CRYBA4: variants seen among roughly 807,000 people sequenced by gnomAD.
CRYBA4 encodes the protein beta-crystallin A4.
CRYBA4 carries 30 observed loss-of-function variants against 31.7 expected under a neutral mutation model. The ratio of observed to expected loss-of-function variants is 0.95; its 90% CI spans 0.71 to 1.28. The LOEUF (loss-of-function observed/expected upper bound fraction) is 1.28. CRYBA4 is among the 50% of genes most tolerant of loss of function. The probability of loss-of-function intolerance (pLI) is 0.00; values close to 1 mark genes in which losing one functional copy is unlikely to be tolerated. For missense variants in CRYBA4, 225 were observed against 260.7 expected (o/e 0.86, Z 0.94); for synonymous variants, 102 against 102.3 (o/e 1.00, Z 0.02).
intron 5 of CRYBA4, among the ~76,000 whole-genome samples, chr22:26,628,656 C>T (rs1035045537): frequency 2.6e-5 from 4 of 152,150 alleles, no homozygotes; most frequent in Admixed American, 1.3e-4. Context: ...TAGCTTCAAG[C>T]ATAGCTGGAT....
At chr22:26,591,347 T>G in the CRYBA4 span, among the ~76,000 whole-genome samples, 1 of 151,952 alleles carries the variant, frequency 6.6e-6, no homozygotes, top group Non-Finnish European at 1.5e-5. Flanking sequence ...GGTACATGCC[T>G]GTAGTCCCAG....
intron 4 of CRYBA4, among the ~76,000 whole-genome samples, chr22:26,628,027 CT>C (rs1229225977): frequency 2.6e-5 from 4 of 152,128 alleles, no homozygotes; most frequent in Non-Finnish European, 5.9e-5. Flanking sequence ...AAGTTGACTC[CT>C]TTTTTTGTTT....
the CRYBA4 span, among the ~76,000 whole-genome samples, chr22:26,606,915 T>C: frequency 6.6e-6 from 1 of 152,178 alleles, no homozygotes; most frequent in Non-Finnish European, 1.5e-5. Context: ...CATTTTGACC[T>C]TGAATCTTCT....
chr22:26,622,608 A>G lies in CRYBA4; in HGVS notation c.12A>G (p.Gln4=). ...AGGAAGGGGCCACAATGACCCTGCA[A>G]TGCACAAAGTCAGCGGGACCCTGGA... MTL[Q]CTKSAGPWKM... is the part of the protein sequence containing the mutation. The change falls in exon 2 of 6, where the codon CAA becomes CAG. Residue 4 remains glutamine, a synonymous_variant. Coordinates refer to ENST00000354760, the MANE Select transcript of CRYBA4 (RefSeq NM_001886.3). 5 of 1,599,962 alleles carry G rather than the reference A, an allele frequency of 3.1e-6. No individual in the cohort carries two copies. Among genetic ancestry groups the G allele is most frequent in the Non-Finnish European group, 4.3e-6 (5 of 1,171,408 alleles).
upstream of CRYBA4, chr22:26,621,931 A>G (rs1441145673): frequency 6.1e-6 from 6 of 984,682 alleles, no homozygotes; most frequent in African/African-American, 1.8e-5. Context: ...CTCCCTGCCT[A>G]TAAGAGCCCG....
At chr22:26,628,577 A>G (rs1329313103) in intron 5 of CRYBA4, 147 bp downstream of exon 5, 2 of 944,146 alleles carry the variant, frequency 2.1e-6, no homozygotes, top group Non-Finnish European at 3.2e-6. Context: ...GGTATCAGGC[A>G]GAATTTGAGG....
intron 1 of CRYBA4, among the ~76,000 whole-genome samples, chr22:26,622,378 G>A (rs1459656973): frequency 6.6e-6 from 1 of 152,040 alleles, no homozygotes; most frequent in East Asian, 1.9e-4. Context: ...CAGCAAGGGT[G>A]AGTTTTGAGA....
the CRYBA4 span, chr22:26,607,849 G>A: frequency 5.0e-4 from 812 of 1,613,464 alleles, 5 homozygotes; most frequent in African/African-American, 7.5e-3. Context: ...GCCCTGCCCC[G>A]CCTGGCTGAT....
the CRYBA4 span, chr22:26,607,743 C>A: frequency 2.8e-6 from 3 of 1,077,308 alleles, no homozygotes; most frequent in Non-Finnish European, 4.1e-6. Flanking sequence ...TTGATGAGCT[C>A]AAGAATCCAC....
the CRYBA4 span, among the ~76,000 whole-genome samples, chr22:26,593,022 A>C: frequency 2.0e-5 from 3 of 152,164 alleles, no homozygotes; most frequent in African/African-American, 7.2e-5. Flanking sequence ...GAGGAAGGCT[A>C]ATTGCCCCTC....
the CRYBA4 span, chr22:26,601,878 C>T: frequency 5.6e-6 from 9 of 1,611,962 alleles, no homozygotes; most frequent in Middle Eastern, 2.2e-4. Context: ...GGGATGCTTA[C>T]GTTCCACTGG....
chr22:26,612,972 T>C, the CRYBA4 span, among the ~76,000 whole-genome samples: 64 of 152,130 alleles, frequency 4.2e-4, no homozygotes, highest in Non-Finnish European at 7.5e-4. Context: ...CTGTTTTGCT[T>C]TGGGGTCTCC....
At chr22:26,605,549 C>A in the CRYBA4 span, among the ~76,000 whole-genome samples, 1 of 151,634 alleles carries the variant, frequency 6.6e-6, no homozygotes, top group African/African-American at 2.4e-5. Flanking sequence ...CGGTGCACAC[C>A]TATAATCCCA....
chr22:26,619,166 C>G (rs1222941878), upstream of CRYBA4, among the ~76,000 whole-genome samples: 1 of 151,950 alleles, frequency 6.6e-6, no homozygotes, highest in Non-Finnish European at 1.5e-5. Context: ...GATAGGGAAA[C>G]CAAGGCAAGG....
the CRYBA4 span, among the ~76,000 whole-genome samples, chr22:26,606,770 TA>T: frequency 8.5e-5 from 13 of 152,336 alleles, no homozygotes; most frequent in African/African-American, 2.4e-4. Flanking sequence ...AAAATTCTTA[TA>T]AATGTTCCCA....
chr22:26,606,574 C>T, the CRYBA4 span, among the ~76,000 whole-genome samples: 46 of 152,270 alleles, frequency 3.0e-4, no homozygotes, highest in African/African-American at 1.1e-3. Flanking sequence ...CATATAAGAA[C>T]CATTCAATGA....
intron 3 of CRYBA4, among the ~76,000 whole-genome samples, chr22:26,624,366 A>G (rs1929639410): frequency 6.6e-6 from 1 of 152,014 alleles, no homozygotes; most frequent in South Asian, 2.1e-4. Context: ...TAGAAAGGCA[A>G]TGTGGCCAGT....
At chr22:26,600,520 A>G in the CRYBA4 span, among the ~76,000 whole-genome samples, 1 of 152,244 alleles carries the variant, frequency 6.6e-6, no homozygotes, top group South Asian at 2.1e-4. Context: ...TTGATTTACT[A>G]GCTGTGAGAA....
At chr22:26,615,464 T>C in the CRYBA4 span, among the ~76,000 whole-genome samples, 1 of 152,172 alleles carries the variant, frequency 6.6e-6, no homozygotes, top group Non-Finnish European at 1.5e-5. Context: ...AGCGGTATGG[T>C]TTGGTTGTTG....
Sources: gnomAD v4.1 joint callset for allele counts (sites outside exome capture counted in the v4.1 genomes callset) on GRCh38, gnomAD v4.1.1 for gene constraint, MANE v1.5 for transcripts, NCBI Gene and HGNC (gene_info 2026-07-23, HGNC 2026-07-21) for gene names.